The following TRAPPC10 variants were observed in gnomAD, a reference collection of about 807,000 sequenced individuals.
TRAPPC10 encodes trafficking protein particle complex subunit 10.
TRAPPC10 carries 23 observed loss-of-function variants against 125.5 expected under a neutral mutation model. The observed-to-expected ratio is 0.18, with a 90% CI of 0.13 to 0.26. The LOEUF is 0.26. Ranked by LOEUF, TRAPPC10 falls within the 10% of genes least tolerant of loss-of-function variation. The pLI, the probability that TRAPPC10 is intolerant of heterozygous loss-of-function variation, is 1.00. For synonymous variants in TRAPPC10, 509 were observed against 518.0 expected (o/e 0.98, Z 0.24); for missense variants, 1,123 against 1,308.4 (o/e 0.86, Z 2.19).
intron 13 of TRAPPC10, among the ~76,000 whole-genome samples, chr21:44,081,110 G>C (rs1413395850): frequency 6.7e-6 from 1 of 149,046 alleles, no homozygotes; most frequent in Non-Finnish European, 1.5e-5. Flanking sequence ...CAACCTTCTG[G>C]AGTCAAGAGA....
At chr21:44,076,693 T>A in intron 10 of TRAPPC10, 65 bp downstream of exon 10, 1 of 1,403,832 alleles carries the variant, frequency 7.1e-7, no homozygotes, top group Non-Finnish European at 1.0e-6. Flanking sequence ...CTTTGCTACA[T>A]GGCCTGTTGA....
rs1393542917 is a variant in TRAPPC10, at chr21:44,091,680, T to A, written c.2871-243T>A. 5 of 355,172 alleles carry A rather than the reference T, an allele frequency of 1.4e-5. No homozygotes were observed. In the Admixed American group the frequency reaches 1.6e-4, roughly 11 times the overall value. 22.0% of individuals were successfully genotyped at this position (355,172 alleles called of 1,614,324 possible). A position where few individuals can be genotyped will look rare whatever the true frequency, so the allele number is the denominator to read the frequency against. ...GTCTCAATCTCCTGACCTCATAATC[T>A]GCCCACCTCGGCCTCCCAAAGTGCT... On this transcript the variant is annotated intron_variant, in intron 18 of 22. Transcript: ENST00000291574.
At chr21:44,085,567 C>T (rs1054032722) in intron 15 of TRAPPC10, among the ~76,000 whole-genome samples, 4 of 152,082 alleles carry the variant, frequency 2.6e-5, no homozygotes, top group Non-Finnish European at 5.9e-5. Context: ...TCGTGCGCCA[C>T]GGCCTCTAGT....
At chr21:44,089,994 T>G in intron 18 of TRAPPC10, 61 bp downstream of exon 18, 1 of 1,344,202 alleles carries the variant, frequency 7.4e-7, no homozygotes, top group Admixed American at 1.9e-5. Context: ...AAGTGGAGGT[T>G]CCTAATGTTC....
rs1265739081 is a variant in TRAPPC10, at chr21:44,012,523, G to A, written c.30G>A (p.Pro10=). Residue 10 remains proline (P), a synonymous_variant, in exon 1 of 23, where the codon CCG becomes CCA. Transcript: ENST00000291574. MDASEEPLP[P]VIYTMENKPI... is the part of the protein sequence containing the mutation. ...ACGCCTCTGAGGAGCCGCTGCCGCC[G>A]GTGATCTACACCATGGAGAACAAGC... The A allele has an allele frequency of 3.9e-6, 6 of 1,523,062 alleles. No individual in the cohort carries two copies. Among genetic ancestry groups the A allele is most frequent in the East Asian group, 2.5e-5 (1 of 39,408 alleles). 94.3% of individuals were successfully genotyped at this position (1,523,062 alleles called of 1,614,324 possible).
chr21:44,079,497 A>G, intron 11 of TRAPPC10, 67 bp from the exon 12 acceptor site: 5 of 1,529,438 alleles, frequency 3.3e-6, no homozygotes, highest in Non-Finnish European at 4.4e-6. Context: ...AAAGCGGGAG[A>G]GATGGGGTTT....
chr21:44,044,868 GT>G (rs1340069089), intron 3 of TRAPPC10, among the ~76,000 whole-genome samples: 1 of 151,892 alleles, frequency 6.6e-6, no homozygotes, highest in Non-Finnish European at 1.5e-5. Context: ...TTTCTGCCAT[GT>G]TGGCCAGGCC....
chr21:44,048,930 TATTAATA>T (rs1014291339), intron 3 of TRAPPC10, among the ~76,000 whole-genome samples: 2 of 152,054 alleles, frequency 1.3e-5, no homozygotes, highest in African/African-American at 2.4e-5. Flanking sequence ...ACTATCATAG[TATTAATA>T]ATTAATATCA....
intron 1 of TRAPPC10, among the ~76,000 whole-genome samples, chr21:44,026,864 G>T (rs2033121790): frequency 6.6e-6 from 1 of 152,076 alleles, no homozygotes; most frequent in Non-Finnish European, 1.5e-5. Flanking sequence ...CACCCTCAGG[G>T]TCTTCTCTCG....
At chr21:44,054,073 G>A (rs574709941) in intron 4 of TRAPPC10, among the ~76,000 whole-genome samples, 3 of 152,276 alleles carry the variant, frequency 2.0e-5, no homozygotes, top group Non-Finnish European at 2.9e-5. Flanking sequence ...GAGAATTCGC[G>A]TCTGGTCGGG....
intron 1 of TRAPPC10, among the ~76,000 whole-genome samples, chr21:44,029,431 C>G (rs796310897): frequency 2.6e-4 from 40 of 152,266 alleles, no homozygotes; most frequent in African/African-American, 8.9e-4. Context: ...TCTCCATACC[C>G]CATTTTCAAA....
intron 20 of TRAPPC10, among the ~76,000 whole-genome samples, chr21:44,094,502 T>C (rs1269455031): frequency 6.6e-6 from 1 of 152,248 alleles, no homozygotes; most frequent in Non-Finnish European, 1.5e-5. Flanking sequence ...GATTCCTTTT[T>C]TCTTCTATCT....
intron 7 of TRAPPC10, among the ~76,000 whole-genome samples, chr21:44,072,684 A>G (rs936908589): frequency 1.3e-5 from 2 of 152,204 alleles, no homozygotes; most frequent in East Asian, 3.9e-4. Context: ...GGCTGGTCTC[A>G]AACTCCTGAC....
chr21:44,079,346 C>G (rs7275604), intron 11 of TRAPPC10: 4 of 509,610 alleles, frequency 7.8e-6, no homozygotes, highest in African/African-American at 2.0e-5. Flanking sequence ...TATCACCACA[C>G]GCTCATTTCT....
Position 44,012,513 on chromosome 21 carries a change from C to T in TRAPPC10, c.20C>T (p.Pro7Leu), listed in dbSNP as rs201880764. The part of the protein sequence containing the change: MDASEE[P>L]LPPVIYTMEN... Reference sequence around the variant, plus strand: ...ACGCCCATGGACGCCTCTGAGGAGCCGCTGCCGCCGGTGATCTACACCATG... The same window carrying T: ...ACGCCCATGGACGCCTCTGAGGAGCTGCTGCCGCCGGTGATCTACACCATG... Residue 7 changes from proline (P) to leucine (L), a missense_variant, in exon 1 of 23, where the codon CCG (proline) becomes CTG (leucine). Pro to Leu is a moderately conservative substitution (Grantham distance 98). Around this residue, in one of 4 missense-constraint regions of TRAPPC10, gnomAD observed 177 missense variants for 228.9 expected, o/e 0.77. Coordinates refer to ENST00000291574, the MANE Select transcript of TRAPPC10 (RefSeq NM_003274.5). 7.1e-4 allele frequency: 1,087 copies of T among 1,530,952 alleles called. 6 individuals carry two copies. Among genetic ancestry groups the T allele is most frequent in the Non-Finnish European group, 6.1e-4 (688 of 1,137,020 alleles). 94.8% of individuals were successfully genotyped at this position (1,530,952 alleles called of 1,614,324 possible). A position where few individuals can be genotyped will look rare whatever the true frequency, so the allele number is the denominator to read the frequency against.
At chr21:44,016,882 T>TCTC (rs750771250) in intron 1 of TRAPPC10, among the ~76,000 whole-genome samples, 143 of 152,286 alleles carry the variant, frequency 9.4e-4, no homozygotes, top group African/African-American at 1.4e-3. Context: ...ATGGTCTTGA[T>TCTC]CTGACCTTGT....
Position 44,081,016 on chromosome 21 carries a change from T to C in TRAPPC10, c.1723+889T>C, listed in dbSNP as rs201493925. Among the ~76,000 whole-genome samples, 168 of 93,752 alleles carry C rather than the reference T, an allele frequency of 1.8e-3. 6 individuals are homozygous for C. In the South Asian group the frequency reaches 0.026, roughly 15 times the overall value. 61.5% of individuals were successfully genotyped at this position (93,752 alleles called of 152,430 possible). ...TCAATATTATTGTTCTTTTTTTTTT[T>C]CTTTTTTTTTTTTTTTTTTTTGACT... On this transcript the variant is annotated intron_variant, in intron 13 of 22. Transcript: ENST00000291574.
At chr21:44,021,412 AG>A (rs2032486644) in intron 1 of TRAPPC10, among the ~76,000 whole-genome samples, 1 of 152,222 alleles carries the variant, frequency 6.6e-6, no homozygotes, top group African/African-American at 2.4e-5. Flanking sequence ...GAAAAAGAGA[AG>A]GATAAGGGAA....
chr21:44,054,909 G>A (rs990526203), intron 4 of TRAPPC10, among the ~76,000 whole-genome samples: 1 of 152,176 alleles, frequency 6.6e-6, no homozygotes. Flanking sequence ...CCACGCCTGG[G>A]TGGAAGGAAT....
Sources: allele counts gnomAD v4.1 joint callset (sites outside exome capture counted in the v4.1 genomes callset), GRCh38; gene constraint gnomAD v4.1.1; regional missense constraint gnomAD v4.1.1; transcripts MANE v1.5; gene names NCBI Gene and HGNC (gene_info 2026-07-23, HGNC 2026-07-21).